Variants in GOSR2 observed in about 807,000 individuals in gnomAD.
The protein encoded by GOSR2 is golgi SNAP receptor complex member 2, also known as 27 kDa Golgi SNARE protein.
GOSR2 carries 20 observed loss-of-function variants against 27.9 expected under a neutral mutation model. That is an observed-to-expected ratio of 0.72 (90% confidence interval 0.50 to 1.04). The LOEUF is 1.04. Ranked by LOEUF, GOSR2 falls within the 50% of genes least tolerant of loss-of-function variation. GOSR2 has a pLI of 0.00. For synonymous variants in GOSR2, 91 were observed against 98.8 expected (o/e 0.92, Z 0.47); for missense variants, 261 against 270.5 (o/e 0.97, Z 0.25).
chr17:46,952,346 G>T (rs958620751), intron 6 of GOSR2, among the ~76,000 whole-genome samples: 1 of 152,212 alleles, frequency 6.6e-6, no homozygotes, highest in South Asian at 2.1e-4. Context: ...ACATGACTGC[G>T]CGGTGGGCCG....
intron 6 of GOSR2, among the ~76,000 whole-genome samples, chr17:46,951,397 C>G (rs1481151396): frequency 6.6e-6 from 1 of 152,192 alleles, no homozygotes; most frequent in Non-Finnish European, 1.5e-5. Context: ...AGATTCCCAC[C>G]CCAGCTTTCT....
downstream of GOSR2, among the ~76,000 whole-genome samples, chr17:46,942,774 G>C (rs536085100): frequency 7.9e-5 from 12 of 152,348 alleles, no homozygotes; most frequent in Non-Finnish European, 1.2e-4. Context: ...GCTGTACTTA[G>C]AAGCTGAGAA....
chr17:46,941,493 G>C lies in GOSR2; in HGVS notation c.*2733G>C. The C allele has an allele frequency of 9.0e-6, 8 of 892,884 alleles. No homozygotes were observed. Among genetic ancestry groups the C allele is most frequent in the Non-Finnish European group, 1.1e-5 (8 of 745,450 alleles). The allele number at this position is 892,884 out of a possible 1,614,324, so 55.3% of individuals were successfully genotyped here. A position where few individuals can be genotyped will look rare whatever the true frequency, so the allele number is the denominator to read the frequency against. The stretch of plus-strand genomic sequence containing the variant: ...CTGGGCTGGCTGCTTCAGAAGCAGT[G>C]GGGAAGCTTTTTAAAATTACATATT... On this transcript the variant is annotated 3_prime_UTR_variant, in exon 6 of 6. Transcript: ENST00000640051.
At chr17:46,938,402 G>A (rs911898057) in intron 5 of GOSR2, among the ~76,000 whole-genome samples, 197 bp from the exon 6 acceptor site, 8 of 152,120 alleles carry the variant, frequency 5.3e-5, no homozygotes, top group African/African-American at 1.4e-4. Context: ...TTTCCACTTA[G>A]CGTTGCTCTG....
intron 2 of GOSR2, chr17:46,930,651 C>CT (rs34667998): frequency 1.7e-3 from 155 of 91,466 alleles, no homozygotes; most frequent in Middle Eastern, 0.013. Context: ...TTCCTTTATG[C>CT]TTTTTTTTTT....
chr17:46,939,735 T>C lies in GOSR2; in HGVS notation c.*975T>C. The C allele has an allele frequency of 3.0e-6, 3 of 987,260 alleles. No individual in the cohort carries two copies. The highest frequency in any genetic ancestry group is 3.6e-6 in the Non-Finnish European group (3 of 831,152). 61.2% of individuals were successfully genotyped at this position (987,260 alleles called of 1,614,324 possible). ...CCACCGTGGAGACATCTGTAGTGTG[T>C]ATGTCCTTGTAACACTCTGTTTTCA... On this transcript the variant is annotated 3_prime_UTR_variant, in exon 6 of 6. Transcript: ENST00000640051.
intron 6 of GOSR2, among the ~76,000 whole-genome samples, chr17:46,948,153 T>G (rs2090061925): frequency 6.6e-6 from 1 of 152,206 alleles, no homozygotes; most frequent in African/African-American, 2.4e-5. Context: ...CTCTGCCCTT[T>G]AGCTGTGGAA....
At position 46,938,964 on chromosome 17, in the gene GOSR2, C is replaced by T. The variant is rs1463570727; in HGVS notation, c.*204C>T. 5 of 1,452,680 alleles carry T rather than the reference C, an allele frequency of 3.4e-6. No individual in the cohort carries two copies. The highest frequency in any genetic ancestry group is 4.6e-6 in the Non-Finnish European group (5 of 1,098,242). 90.0% of individuals were successfully genotyped at this position (1,452,680 alleles called of 1,614,324 possible). ...AGGGGGAGCTAGTGCCACCACCATG[C>T]GCGGTGCTTAGGAAATGAAAGAAGT... On this transcript the variant is annotated 3_prime_UTR_variant, in exon 6 of 6. Transcript: ENST00000640051.
In GOSR2 at chr17:46,939,168, G is replaced by A; in HGVS notation, c.*408G>A. On this transcript the variant is annotated 3_prime_UTR_variant, in exon 6 of 6. Coordinates refer to ENST00000640051, the MANE Select transcript of GOSR2 (RefSeq NM_004287.5). ...AGGCCTTTCTGGCTCCTGATAGGGT[G>A]GAGCAAAAGTGGAAAGGAAAGGAAA... 9.1e-7 allele frequency: 1 copy of A among 1,095,712 alleles called. No individual in the cohort carries two copies. The highest frequency in any genetic ancestry group is 2.6e-5 in the South Asian group (1 of 38,118). 67.9% of individuals were successfully genotyped at this position (1,095,712 alleles called of 1,614,324 possible).
downstream of GOSR2, among the ~76,000 whole-genome samples, chr17:46,967,669 G>C (rs184985764): frequency 1.1e-3 from 175 of 152,234 alleles, no homozygotes; most frequent in South Asian, 1.0e-3. Flanking sequence ...GGTGCAGAGG[G>C]TTTAGGACAG....
intron 2 of GOSR2, 192 bp from the exon 3 acceptor site, chr17:46,930,907 G>T (rs1258092699): frequency 3.3e-6 from 2 of 601,764 alleles, no homozygotes; most frequent in East Asian, 2.8e-5. Flanking sequence ...CTATATACAT[G>T]TACTTTTTTC....
rs1167520050 is a variant in GOSR2, at chr17:46,940,567, C to A, written c.*1807C>A. 5.0e-6 allele frequency: 8 copies of A among 1,614,184 alleles called. No individual in the cohort carries two copies. Among genetic ancestry groups the A allele is most frequent in the Non-Finnish European group, 5.9e-6 (7 of 1,180,036 alleles). ...TCCTGTCCCCCAGGCACCCAAGGAT[C>A]CTGCCAGACAGCACACTTTGGAGGA... is the stretch of plus-strand genomic sequence containing the variant. On this transcript the variant is annotated 3_prime_UTR_variant, in exon 6 of 6. Transcript: ENST00000640051.
chr17:46,967,201 C>T (rs2091343710), downstream of GOSR2, among the ~76,000 whole-genome samples: 1 of 152,260 alleles, frequency 6.6e-6, no homozygotes, highest in Non-Finnish European at 1.5e-5. Context: ...CGTGTTACCT[C>T]CTGGTTTGGA....
At chr17:46,929,656 T>C in intron 2 of GOSR2, 72 bp downstream of exon 2, 1 of 809,094 alleles carries the variant, frequency 1.2e-6, no homozygotes, top group Non-Finnish European at 2.2e-6. Context: ...GCTTCCTGAC[T>C]GCACTCTGCC....
Position 46,931,153 on chromosome 17 carries a change from G to A in GOSR2, c.149G>A (p.Arg50His), listed in dbSNP as rs377765254. 1.7e-5 allele frequency: 27 copies of A among 1,611,834 alleles called. No homozygotes were observed. The East Asian group carries it at 4.0e-4, about 24-fold the overall frequency. The change falls in exon 3 of 6, where the codon CGT (arginine) becomes CAT (histidine). Residue 50 changes from arginine to histidine, a missense_variant. Physicochemically the swap from Arg to His is conservative, Grantham distance 29. Coordinates refer to ENST00000640051, the MANE Select transcript of GOSR2 (RefSeq NM_004287.5). ...SIDQIFSRLERLEILSSKEPP... is the reference protein window; with the variant it reads ...SIDQIFSRLEHLEILSSKEPP... ...GACCAGATATTCAGCCGTCTAGAACGTCTGGAGATTTTGTCCAGCAAGGAG... is the reference window on the plus strand; with the variant it reads ...GACCAGATATTCAGCCGTCTAGAACATCTGGAGATTTTGTCCAGCAAGGAG...
chr17:46,924,565 C>G (rs1352924633), intron 1 of GOSR2: 1 of 152,190 alleles, frequency 6.6e-6, no homozygotes, highest in African/African-American at 2.4e-5. Flanking sequence ...AAATGAAATG[C>G]CCTGAAGCAT....
chr17:46,936,145 G>T, intron 5 of GOSR2: 1 of 985,810 alleles, frequency 1.0e-6, no homozygotes, highest in Non-Finnish European at 1.2e-6. Flanking sequence ...GTGGTCTCCA[G>T]CAGCCTGCTG....
intron 6 of GOSR2, among the ~76,000 whole-genome samples, chr17:46,951,537 G>C (rs1018286979): frequency 2.0e-5 from 3 of 152,122 alleles, no homozygotes; most frequent in African/African-American, 4.8e-5. Flanking sequence ...CCTTGAAAAC[G>C]ACCATATAAT....
downstream of GOSR2, among the ~76,000 whole-genome samples, chr17:46,969,758 T>G (rs2091371988): frequency 6.6e-6 from 1 of 152,210 alleles, no homozygotes; most frequent in Non-Finnish European, 1.5e-5. Context: ...TGGGTCCCCC[T>G]CTGTGGGGAC....
Sources: allele counts gnomAD v4.1 joint callset (sites outside exome capture counted in the v4.1 genomes callset), GRCh38; gene constraint gnomAD v4.1.1; transcripts MANE v1.5; gene names NCBI Gene and HGNC (gene_info 2026-07-23, HGNC 2026-07-21).